Variants in C12orf42 observed in about 807,000 individuals in gnomAD.
C12orf42 encodes uncharacterized protein C12orf42.
A neutral mutation model predicts 21.6 loss-of-function variants in C12orf42; 25 were observed. That is an observed-to-expected ratio of 1.16 (90% CI 0.84 to 1.62). C12orf42 has a LOEUF of 1.62. Ranked by LOEUF, C12orf42 falls within the 40% of genes most tolerant of loss-of-function variation. The probability of loss-of-function intolerance (pLI) is 0.00; values close to 1 mark genes in which losing one functional copy is unlikely to be tolerated. For missense variants in C12orf42, 483 were observed against 459.3 expected (o/e 1.05, Z -0.47); for synonymous variants, 174 against 175.0 (o/e 0.99, Z 0.05).
the C12orf42 span, among the ~76,000 whole-genome samples, chr12:103,538,582 G>A: frequency 3.9e-5 from 6 of 152,206 alleles, no homozygotes; most frequent in Non-Finnish European, 8.8e-5. Flanking sequence ...CAAAGGACTG[G>A]CATAAAGTTT....
chr12:103,306,353 A>G lies in C12orf42; in HGVS notation c.260-8T>C. ...GAGTCCTTTCTGGAAATACTGTGAA[A>G]GGTAAATACATTCGTTTGAAAAATT... On this transcript the variant is annotated splice_polypyrimidine_tract_variant and splice_region_variant and intron_variant, in intron 4 of 5. Transcript: ENST00000548883. 6.3e-7 allele frequency: 1 copy of G among 1,582,756 alleles called. No individual in the cohort carries two copies. Among genetic ancestry groups the G allele is most frequent in the East Asian group, 2.3e-5 (1 of 44,424 alleles).
At chr12:103,436,819 C>T (rs578061088) in intron 2 of C12orf42, among the ~76,000 whole-genome samples, 1 of 151,738 alleles carries the variant, frequency 6.6e-6, no homozygotes, top group East Asian at 1.9e-4. Flanking sequence ...GACTTTAACA[C>T]CCCACTGTCA....
At chr12:103,109,259 A>G in the C12orf42 span, among the ~76,000 whole-genome samples, 1 of 152,180 alleles carries the variant, frequency 6.6e-6, no homozygotes. Context: ...GACCAATGAA[A>G]CAGACTAGAG....
chr12:103,218,856 A>G, the C12orf42 span, among the ~76,000 whole-genome samples: 1 of 152,256 alleles, frequency 6.6e-6, no homozygotes, highest in African/African-American at 2.4e-5. Flanking sequence ...CTTAGCAAGA[A>G]TCTTATTAAC....
chr12:103,120,636 T>TG, the C12orf42 span, among the ~76,000 whole-genome samples: 1,828 of 151,958 alleles, frequency 0.012, 35 homozygotes, highest in African/African-American at 0.042. Context: ...ACCAACATCA[T>TG]GGGGTATTTG....
chr12:103,393,475 T>A (rs1328037353), intron 3 of C12orf42, among the ~76,000 whole-genome samples: 6 of 152,096 alleles, frequency 3.9e-5, no homozygotes, highest in African/African-American at 1.4e-4. Context: ...GGATTATATC[T>A]CAACATGAGA....
rs372137633 is a variant in C12orf42, at chr12:103,438,998, C to G, written c.79-37323G>C. The stretch of plus-strand genomic sequence containing the variant: ...AAGCTGGAGGCATCACACTACCTGA[C>G]TTCAAACTATACTACAAGGCTACAG... On this transcript the variant is annotated intron_variant, in intron 2 of 5. Coordinates refer to ENST00000548883, the MANE Select transcript of C12orf42 (RefSeq NM_198521.5). Among the ~76,000 whole-genome samples, 6 of 152,314 alleles carry G rather than the reference C, an allele frequency of 3.9e-5. No individual in the cohort carries two copies. In the South Asian group the frequency reaches 1.0e-3, roughly 26 times the overall value.
chr12:103,430,433 G>T (rs978052994), intron 2 of C12orf42, among the ~76,000 whole-genome samples: 4 of 152,184 alleles, frequency 2.6e-5, no homozygotes, highest in African/African-American at 9.7e-5. Flanking sequence ...ACACCAGTTA[G>T]AATGGCGATC....
the C12orf42 span, among the ~76,000 whole-genome samples, chr12:103,130,835 C>G: frequency 6.6e-6 from 1 of 152,334 alleles, no homozygotes; most frequent in Admixed American, 6.5e-5. Context: ...CTGCTGCAAT[C>G]TCTATAGAGG....
chr12:103,345,613 G>T (rs926458210), intron 4 of C12orf42, among the ~76,000 whole-genome samples: 1 of 152,104 alleles, frequency 6.6e-6, no homozygotes, highest in African/African-American at 2.4e-5. Context: ...TATGTAGCCA[G>T]AGCAATAGTT....
intron 4 of C12orf42, among the ~76,000 whole-genome samples, chr12:103,316,184 AATAGT>A (rs2039476477): frequency 6.7e-6 from 1 of 150,340 alleles, no homozygotes; most frequent in East Asian, 2.0e-4. Context: ...TACTGATATA[AATAGT>A]ATATATACAC....
intron 2 of C12orf42, among the ~76,000 whole-genome samples, chr12:103,470,367 G>A (rs181966277): frequency 2.0e-5 from 3 of 152,266 alleles, no homozygotes; most frequent in East Asian, 3.9e-4. Context: ...AGTCCATTCC[G>A]AAGATATCTC....
intron 2 of C12orf42, among the ~76,000 whole-genome samples, chr12:103,449,875 C>A (rs752302251): frequency 6.6e-6 from 1 of 151,052 alleles, no homozygotes; most frequent in South Asian, 2.1e-4. Context: ...GAATGACCAT[C>A]TTTATAATAG....
At chr12:103,292,363 A>G (rs1292102674) in intron 4 of C12orf42, among the ~76,000 whole-genome samples, 5 of 152,158 alleles carry the variant, frequency 3.3e-5, no homozygotes, top group African/African-American at 1.2e-4. Context: ...TACACTTAAG[A>G]TGGGTGAATT....
the C12orf42 span, among the ~76,000 whole-genome samples, chr12:103,507,186 AATAT>A: frequency 9.1e-5 from 2 of 21,988 alleles, no homozygotes; most frequent in African/African-American, 9.1e-4. Flanking sequence ...TATTATATAT[AATAT>A]ATATATATTT....
At chr12:103,489,198 T>C (rs184679286) in intron 1 of C12orf42, among the ~76,000 whole-genome samples, 214 of 152,346 alleles carry the variant, frequency 1.4e-3, no homozygotes, top group Non-Finnish European at 2.4e-3. Context: ...CTTCTAAAAG[T>C]CAGGTCCCTT....
chr12:103,114,823 T>G, the C12orf42 span, among the ~76,000 whole-genome samples: 2 of 152,170 alleles, frequency 1.3e-5, no homozygotes, highest in South Asian at 2.1e-4. Context: ...AGCAGACATA[T>G]CCACCCAGGG....
At chr12:103,263,823 T>G (rs1428206913), downstream of C12orf42, among the ~76,000 whole-genome samples, 1 of 152,114 alleles carries the variant, frequency 6.6e-6, no homozygotes, top group Non-Finnish European at 1.5e-5. Context: ...GCAGCAAATA[T>G]CCTACATCAT....
intron 10 of C12orf42, among the ~76,000 whole-genome samples, chr12:103,258,136 C>A (rs1723292750): frequency 6.6e-6 from 1 of 152,074 alleles, no homozygotes; most frequent in African/African-American, 2.4e-5. Flanking sequence ...AAGATACACA[C>A]AAACTTTCAT....
Sources: gnomAD v4.1 joint callset for allele counts (sites outside exome capture counted in the v4.1 genomes callset) on GRCh38, gnomAD v4.1.1 for gene constraint, MANE v1.5 for transcripts, NCBI Gene and HGNC (gene_info 2026-07-23, HGNC 2026-07-21) for gene names.